Variants in CTNNA2 observed in about 807,000 individuals in gnomAD.
CTNNA2 encodes the protein catenin alpha-2.
Under a neutral mutation model 101.0 loss-of-function variants are expected in CTNNA2, and 42 were observed. The observed-to-expected ratio is 0.42, with a 90% CI of 0.32 to 0.54. The LOEUF is 0.54. Ranked by LOEUF, CTNNA2 falls within the 20% of genes least tolerant of loss-of-function variation. CTNNA2 has a pLI of 0.14. For synonymous variants in CTNNA2, 450 were observed against 456.4 expected, an observed-to-expected ratio of 0.99 and a Z score of 0.18; for missense variants, 871 against 1,223.1, an observed-to-expected ratio of 0.71 and a Z score of 4.29.
At chr2:79,289,022 T>G (rs1675711496) in intron 2 of CTNNA2, among the ~76,000 whole-genome samples, 1 of 152,238 alleles carries the variant, frequency 6.6e-6, no homozygotes, top group Admixed American at 6.5e-5. Context: ...ATTTGATTGC[T>G]TTTTGTTTGT....
At chr2:80,518,209 A>G (rs1304588542) in intron 9 of CTNNA2, among the ~76,000 whole-genome samples, 1 of 152,240 alleles carries the variant, frequency 6.6e-6, no homozygotes, top group African/African-American at 2.4e-5. Context: ...ATGATGAAAT[A>G]TTATTTAGTT....
intron 2 of CTNNA2, among the ~76,000 whole-genome samples, chr2:79,256,663 A>G (rs909401243): frequency 3.9e-5 from 6 of 152,178 alleles, no homozygotes; most frequent in African/African-American, 1.2e-4. Flanking sequence ...GCTCAAGCAT[A>G]CGTTCCTGTC....
chr2:80,382,816 G>C (rs1252366992), intron 7 of CTNNA2, among the ~76,000 whole-genome samples: 1 of 152,210 alleles, frequency 6.6e-6, no homozygotes, highest in African/African-American at 2.4e-5. Flanking sequence ...GGATTCTTTA[G>C]GTGTTGAAAG....
chr2:80,404,879 A>AT (rs1177901636), intron 8 of CTNNA2, among the ~76,000 whole-genome samples: 3 of 152,154 alleles, frequency 2.0e-5, no homozygotes, highest in Non-Finnish European at 2.9e-5. Context: ...ATTGATGTTG[A>AT]TTTTTTGCTG....
chr2:80,546,507 C>G (rs898423739), intron 11 of CTNNA2, among the ~76,000 whole-genome samples: 3 of 152,076 alleles, frequency 2.0e-5, no homozygotes, highest in Non-Finnish European at 4.4e-5. Flanking sequence ...TGTGATAACA[C>G]AGGTAGAGAT....
chr2:80,330,763 A>G (rs1470005857), intron 7 of CTNNA2, among the ~76,000 whole-genome samples: 3 of 151,956 alleles, frequency 2.0e-5, no homozygotes, highest in South Asian at 2.1e-4. Flanking sequence ...TGCGTTTACT[A>G]CTATAGCAAC....
chr2:80,184,179 C>A (rs1429476451), intron 7 of CTNNA2, among the ~76,000 whole-genome samples: 1 of 151,980 alleles, frequency 6.6e-6, no homozygotes, highest in Non-Finnish European at 1.5e-5. Flanking sequence ...AGTGTGAGTT[C>A]TTCAGTGTGA....
rs568464322 is a variant in CTNNA2, at chr2:79,938,309, A to G, written c.1056+28512A>G. On this transcript the variant is annotated intron_variant, in intron 7 of 18. Coordinates refer to ENST00000402739, the MANE Select transcript of CTNNA2 (RefSeq NM_001282597.3). ...AGAACAGAATTTGGATCCTCATTAT[A>G]TGATTTTTTCACAGTTTCAGAAAAT... Among the ~76,000 whole-genome samples, 6 of 152,330 alleles carry G rather than the reference A, an allele frequency of 3.9e-5. No individual in the cohort carries two copies. In the East Asian group the frequency reaches 9.7e-4, roughly 25 times the overall value.
At chr2:79,388,532 T>G (rs969742132) in intron 4 of CTNNA2, among the ~76,000 whole-genome samples, 2 of 152,100 alleles carry the variant, frequency 1.3e-5, no homozygotes, top group Non-Finnish European at 2.9e-5. Flanking sequence ...TAAAACAAGG[T>G]TTCATATACA....
rs555842802 is a variant in CTNNA2, at chr2:80,329,107, G to T, written c.1057-64104G>T. ...TGTATAATATTTACTAAAAATATTT[G>T]CAGAAAGTTCCCGAGAATCACACAA... On this transcript the variant is annotated intron_variant, in intron 7 of 18. Transcript: ENST00000402739. Among the ~76,000 whole-genome samples, 55 of 152,262 alleles carry T rather than the reference G, an allele frequency of 3.6e-4. No homozygotes were observed. In the South Asian group the frequency reaches 9.5e-3, roughly 26 times the overall value.
chr2:79,624,500 T>C (rs898633708), intron 1 of CTNNA2, among the ~76,000 whole-genome samples: 3 of 152,046 alleles, frequency 2.0e-5, no homozygotes, highest in Non-Finnish European at 4.4e-5. Flanking sequence ...AGAAGGGCAA[T>C]TCAGGAAGCA....
At chr2:79,553,071 C>A (rs1174295703) in intron 1 of CTNNA2, among the ~76,000 whole-genome samples, 1 of 152,182 alleles carries the variant, frequency 6.6e-6, no homozygotes, top group East Asian at 1.9e-4. Context: ...ACTTTTACAA[C>A]TCTGCTTCCC....
chr2:80,482,185 C>G (rs1371902931), intron 9 of CTNNA2, among the ~76,000 whole-genome samples: 1 of 152,114 alleles, frequency 6.6e-6, no homozygotes, highest in African/African-American at 2.4e-5. Context: ...CCTCCTCCTC[C>G]TCCTCCCAAA....
In CTNNA2 at chr2:79,747,933, T is replaced by C. The variant is rs182231640; in HGVS notation, c.298+3351T>C. On this transcript the variant is annotated intron_variant, in intron 3 of 18. Transcript: ENST00000402739. ...AATTCAAAGAAGCATTACTATAGTA[T>C]GCAAAATAACCCAAAAAATGGGTAA... 5.3e-5 allele frequency among the ~76,000 whole-genome samples: 8 copies of C among 152,352 alleles called. No individual in the cohort carries two copies. In the East Asian group the frequency reaches 1.5e-3, roughly 29 times the overall value.
At chr2:79,591,783 T>C (rs1168600132) in intron 1 of CTNNA2, among the ~76,000 whole-genome samples, 1 of 152,168 alleles carries the variant, frequency 6.6e-6, no homozygotes, top group African/African-American at 2.4e-5. Context: ...ATCTAATCTG[T>C]GTCTTACGTA....
chr2:79,405,237 A>G (rs796872438), intron 4 of CTNNA2, among the ~76,000 whole-genome samples: 3 of 152,240 alleles, frequency 2.0e-5, no homozygotes, highest in African/African-American at 7.2e-5. Flanking sequence ...TAACCACAAG[A>G]AAATGAATTC....
At chr2:80,404,835 T>A (rs1030181327) in intron 8 of CTNNA2, among the ~76,000 whole-genome samples, 2 of 152,192 alleles carry the variant, frequency 1.3e-5, no homozygotes, top group Non-Finnish European at 2.9e-5. Context: ...GTTAGAAAAT[T>A]GAGTTAAGAT....
intron 7 of CTNNA2, among the ~76,000 whole-genome samples, chr2:80,326,088 A>G (rs1679215147): frequency 6.6e-6 from 1 of 152,184 alleles, no homozygotes; most frequent in Non-Finnish European, 1.5e-5. Flanking sequence ...ATCATTTTCA[A>G]AGTCGCAGTG....
chr2:80,212,611 T>C (rs1707971763), intron 7 of CTNNA2, among the ~76,000 whole-genome samples: 1 of 152,174 alleles, frequency 6.6e-6, no homozygotes, highest in Non-Finnish European at 1.5e-5. Flanking sequence ...GCTGCCGGAT[T>C]CGGTTTGCCA....
Sources: gnomAD v4.1 joint callset for allele counts (sites outside exome capture counted in the v4.1 genomes callset) on GRCh38, gnomAD v4.1.1 for gene constraint, MANE v1.5 for transcripts, NCBI Gene and HGNC (gene_info 2026-07-23, HGNC 2026-07-21) for gene names.